DPY19L4: variants seen among roughly 807,000 people sequenced by gnomAD.
DPY19L4 encodes dpy-19 like 4, also known as probable C-mannosyltransferase DPY19L4.
Under a neutral mutation model 102.8 loss-of-function variants are expected in DPY19L4, and 97 were observed. The ratio of observed to expected loss-of-function variants is 0.94; its 90% CI spans 0.80 to 1.12. The LOEUF is 1.12. DPY19L4 is among the 50% of genes most tolerant of loss of function. DPY19L4 has a pLI of 0.00. For synonymous variants in DPY19L4, 252 were observed against 283.1 expected, an observed-to-expected ratio of 0.89 and a Z score of 1.10; for missense variants, 815 against 850.4, an observed-to-expected ratio of 0.96 and a Z score of 0.52.
chr8:94,755,330 T>C (rs552962572), intron 6 of DPY19L4, among the ~76,000 whole-genome samples: 2 of 152,140 alleles, frequency 1.3e-5, no homozygotes, highest in South Asian at 4.2e-4. Flanking sequence ...GGATCTACCA[T>C]GCTGCTAATT....
At chr8:94,757,003 C>T (rs923035580) in intron 7 of DPY19L4, among the ~76,000 whole-genome samples, 54 of 152,070 alleles carry the variant, frequency 3.6e-4, no homozygotes, top group African/African-American at 1.1e-3. Context: ...CTAGCCTGGG[C>T]GACAGAGAGA....
chr8:94,754,537 C>T (rs1812077315), intron 6 of DPY19L4, among the ~76,000 whole-genome samples: 1 of 152,062 alleles, frequency 6.6e-6, no homozygotes, highest in African/African-American at 2.4e-5. Context: ...TTGAGGGAAC[C>T]AAGTTAACAT....
At chr8:94,764,689 G>GTATATA (rs1189470959) in intron 8 of DPY19L4, among the ~76,000 whole-genome samples, 186 of 43,210 alleles carry the variant, frequency 4.3e-3, no homozygotes, top group Non-Finnish European at 5.3e-3. Context: ...GTCTGTGTGT[G>GTATATA]TATATATATA....
intron 6 of DPY19L4, among the ~76,000 whole-genome samples, chr8:94,742,555 G>A (rs578146382): frequency 1.5e-5 from 2 of 132,916 alleles, no homozygotes; most frequent in East Asian, 4.3e-4. Flanking sequence ...ACCATGCCTG[G>A]CTAATTTTTT....
intron 13 of DPY19L4, among the ~76,000 whole-genome samples, chr8:94,776,611 T>TG (rs1280039500): frequency 1.3e-5 from 2 of 151,886 alleles, no homozygotes; most frequent in South Asian, 2.1e-4. Flanking sequence ...AGAAGTTTTT[T>TG]TTGTTGTTGT....
At chr8:94,738,516 C>CTTTTTT in intron 4 of DPY19L4, 57 bp downstream of exon 4, 8 of 779,680 alleles carry the variant, frequency 1.0e-5, no homozygotes, top group South Asian at 7.0e-5. Context: ...CTTTTCTTTT[C>CTTTTTT]TTTTTTTTTT....
intron 12 of DPY19L4, 93 bp from the exon 13 acceptor site, chr8:94,770,359 T>G: frequency 7.6e-7 from 1 of 1,313,516 alleles, no homozygotes; most frequent in Non-Finnish European, 1.0e-6. Context: ...ATATAAAATT[T>G]TAGGTATGTC....
chr8:94,791,545 C>T lies in DPY19L4; in HGVS notation c.*1635C>T, dbSNP rs1813887720. 6.6e-6 allele frequency: 1 copy of T among 152,108 alleles called. No individual in the cohort carries two copies. Among genetic ancestry groups the T allele is most frequent in the South Asian group, 2.1e-4 (1 of 4,830 alleles). The allele number at this position is 152,108 out of a possible 1,614,324, so 9.4% of individuals were successfully genotyped here. On this transcript the variant is annotated 3_prime_UTR_variant, in exon 19 of 19. Coordinates refer to ENST00000414645, the MANE Select transcript of DPY19L4 (RefSeq NM_181787.3). ...TGAGTCACTAGTATTTTGCTTCAAG[C>T]CTTCTGAAAATATAACCATAGTTAC...
At position 94,789,946 on chromosome 8, in the gene DPY19L4, A is replaced by C. The variant is rs1300388902; in HGVS notation, c.*36A>C. Reference sequence around the variant, plus strand: ...AGCCTTCATTTCAAAGACTACCTGAAGTAAAATGCAGTTTTCTTCTACCTA... The same window carrying C: ...AGCCTTCATTTCAAAGACTACCTGACGTAAAATGCAGTTTTCTTCTACCTA... On this transcript the variant is annotated 3_prime_UTR_variant, in exon 19 of 19. Transcript: ENST00000414645. 6.4e-7 allele frequency: 1 copy of C among 1,569,654 alleles called. No individual in the cohort carries two copies. Among genetic ancestry groups the C allele is most frequent in the South Asian group, 1.2e-5 (1 of 82,738 alleles).
At position 94,781,151 on chromosome 8, in the gene DPY19L4, T is replaced by G; in HGVS notation, c.1700T>G (p.Leu567Arg). The stretch of plus-strand genomic sequence containing the variant: ...TTCTATGACCCAGATACAGTGGAAC[T>G]TATGACCTGGATAAAGTAAGGATTG... ...QEFYDPDTVE[L>R]MTWIKRQAPV... Residue 567 changes from leucine to arginine, a missense_variant, in exon 16 of 19, where the codon CTT becomes CGT. Transcript: ENST00000414645. 6.3e-7 allele frequency: 1 copy of G among 1,596,140 alleles called. No individual in the cohort carries two copies. Among genetic ancestry groups the G allele is most frequent in the South Asian group, 1.2e-5 (1 of 85,576 alleles).
At chr8:94,777,358 C>G (rs899777157) in intron 13 of DPY19L4, among the ~76,000 whole-genome samples, 3 of 152,214 alleles carry the variant, frequency 2.0e-5, no homozygotes, top group African/African-American at 7.2e-5. Flanking sequence ...TAAGCCACCA[C>G]TCCCAGTCCA....
intron 6 of DPY19L4, among the ~76,000 whole-genome samples, chr8:94,746,742 A>G (rs1811689960): frequency 6.6e-6 from 1 of 152,236 alleles, no homozygotes; most frequent in Non-Finnish European, 1.5e-5. Flanking sequence ...TAATTTACCA[A>G]TAAAATAATA....
chr8:94,733,435 A>G (rs1811057068), intron 2 of DPY19L4, among the ~76,000 whole-genome samples: 2 of 152,052 alleles, frequency 1.3e-5, no homozygotes. Flanking sequence ...CATCTTAACC[A>G]TTTTTAAGTG....
intron 11 of DPY19L4, among the ~76,000 whole-genome samples, chr8:94,767,997 GC>G (rs1448114984): frequency 6.6e-6 from 1 of 151,830 alleles, no homozygotes; most frequent in African/African-American, 2.4e-5. Flanking sequence ...ATTTGAATTG[GC>G]CACATTTCAG....
chr8:94,781,436 C>G (rs1456341152), intron 16 of DPY19L4, among the ~76,000 whole-genome samples: 1 of 152,068 alleles, frequency 6.6e-6, no homozygotes, highest in Non-Finnish European at 1.5e-5. Context: ...GAAGAGATAT[C>G]CTTTTATTTA....
intron 2 of DPY19L4, among the ~76,000 whole-genome samples, chr8:94,731,201 C>A (rs370206634): frequency 6.6e-6 from 1 of 151,844 alleles, no homozygotes; most frequent in Non-Finnish European, 1.5e-5. Flanking sequence ...CCAAGAAATC[C>A]ATTTAGAAAT....
intron 6 of DPY19L4, among the ~76,000 whole-genome samples, chr8:94,754,722 A>C (rs1378303640): frequency 6.6e-6 from 1 of 152,240 alleles, no homozygotes; most frequent in Non-Finnish European, 1.5e-5. Flanking sequence ...TGCACACAAC[A>C]CAACAAGCTC....
Position 94,789,960 on chromosome 8 carries a change from T to G in DPY19L4, c.*50T>G, listed in dbSNP as rs778273090. On this transcript the variant is annotated 3_prime_UTR_variant, in exon 19 of 19. Transcript: ENST00000414645. Reference sequence around the variant, plus strand: ...AGACTACCTGAAGTAAAATGCAGTTTTCTTCTACCTACTCGGTGTCTTTTG... The same window carrying G: ...AGACTACCTGAAGTAAAATGCAGTTGTCTTCTACCTACTCGGTGTCTTTTG... The G allele has an allele frequency of 6.5e-7, 1 of 1,542,818 alleles. No homozygotes were observed. The highest frequency in any genetic ancestry group is 8.8e-7 in the Non-Finnish European group (1 of 1,141,418).
Position 94,777,727 on chromosome 8 carries a change from G to T in DPY19L4, c.1516G>T (p.Glu506Ter). Reference sequence around the variant, plus strand: ...AGCAGCATTTGGTGTATGTTCTCCCGAACTTTGGATGACACTTTTCAAGTG... The same window carrying T: ...AGCAGCATTTGGTGTATGTTCTCCCTAACTTTGGATGACACTTTTCAAGTG... Reference protein sequence around the residue: ...MLAAFGVCSPELWMTLFKWLR... With the variant: ...MLAAFGVCSP Residue 506 changes from glutamate to a stop codon, truncating the protein, a stop_gained, in exon 14 of 19, where the codon GAA becomes TAA. Transcript: ENST00000414645. LOFTEE classifies it high-confidence loss of function. The T allele has an allele frequency of 6.2e-7, 1 of 1,613,960 alleles. No homozygotes were observed. The highest frequency in any genetic ancestry group is 2.2e-5 in the East Asian group (1 of 44,858).
Sources: allele counts gnomAD v4.1 joint callset (sites outside exome capture counted in the v4.1 genomes callset), GRCh38; gene constraint gnomAD v4.1.1; transcripts MANE v1.5; gene names NCBI Gene and HGNC (gene_info 2026-07-23, HGNC 2026-07-21).